Variants in RGS6 observed in about 807,000 individuals in gnomAD.
RGS6 encodes the protein regulator of G protein signaling 6, also known as regulator of G-protein signaling 6.
RGS6 carries 30 observed loss-of-function variants against 78.5 expected under a neutral mutation model. That is an observed-to-expected ratio of 0.38 (90% CI 0.29 to 0.52). The LOEUF is 0.52. RGS6 is among the 20% of genes least tolerant of loss of function. RGS6 has a pLI of 0.85. For missense variants in RGS6, 495 were observed against 609.7 expected (o/e 0.81, Z 1.98); for synonymous variants, 206 against 206.0 (o/e 1.00, Z 0.00).
At chr14:72,396,808 TC>T in intron 3 of RGS6, among the ~76,000 whole-genome samples, 1 of 152,336 alleles carries the variant, frequency 6.6e-6, no homozygotes, top group South Asian at 2.1e-4. Context: ...GGGAATCCTT[TC>T]CCCATTTCTT....
At chr14:72,170,400 C>G (rs2096995944) in intron 2 of RGS6, among the ~76,000 whole-genome samples, 1 of 152,186 alleles carries the variant, frequency 6.6e-6, no homozygotes, top group Non-Finnish European at 1.5e-5. Flanking sequence ...AGCTCCCTCA[C>G]TTTTTTGTCT....
At chr14:71,872,160 T>C in the RGS6 span, among the ~76,000 whole-genome samples, 1 of 152,024 alleles carries the variant, frequency 6.6e-6, no homozygotes, top group Non-Finnish European at 1.5e-5. Context: ...CCACCCCAAC[T>C]CCTCAGCCAC....
At position 72,175,764 on chromosome 14, in the gene RGS6, T is replaced by C. The variant is rs546514882; in HGVS notation, c.85-176331T>C. On this transcript the variant is annotated intron_variant, in intron 2 of 17. Coordinates refer to ENST00000553525, the MANE Select transcript of RGS6 (RefSeq NM_001204424.2). ...GGTCAGCACAGTGCCCAGCGGCTGG[T>C]ACGTGCTTTCTAAGTATCAGCTGAA... 1.7e-4 allele frequency among the ~76,000 whole-genome samples: 26 copies of C among 152,248 alleles called. No individual in the cohort carries two copies. The South Asian group carries it at 5.4e-3, about 32-fold the overall frequency.
chr14:72,142,452 G>A (rs894359879), intron 2 of RGS6, among the ~76,000 whole-genome samples: 5 of 152,134 alleles, frequency 3.3e-5, no homozygotes, highest in African/African-American at 1.2e-4. Context: ...CTGCGTCATT[G>A]CTTCGCCAGG....
chr14:71,988,708 A>G (rs1163968808), intron 2 of RGS6, among the ~76,000 whole-genome samples: 2 of 152,214 alleles, frequency 1.3e-5, no homozygotes, highest in Admixed American at 6.5e-5. Flanking sequence ...CTGAAAAAGC[A>G]TCGGCAAATG....
At chr14:72,397,322 G>C (rs1183566081) in intron 3 of RGS6, among the ~76,000 whole-genome samples, 2 of 151,906 alleles carry the variant, frequency 1.3e-5, no homozygotes, top group African/African-American at 4.8e-5. Context: ...TTGTGAATGG[G>C]AGTTCACTCA....
chr14:72,345,571 G>A (rs956276157), intron 2 of RGS6, among the ~76,000 whole-genome samples: 2 of 152,166 alleles, frequency 1.3e-5, no homozygotes, highest in Admixed American at 1.3e-4. Context: ...GGCCTGTGGT[G>A]GCATTCCTCA....
chr14:72,155,862 A>G (rs936548618), intron 2 of RGS6, among the ~76,000 whole-genome samples: 1 of 152,214 alleles, frequency 6.6e-6, no homozygotes, highest in African/African-American at 2.4e-5. Context: ...TTACTGACCT[A>G]GGTGCATATC....
intron 17 of RGS6, chr14:72,547,448 A>T: frequency 1.2e-6 from 1 of 849,364 alleles, no homozygotes; most frequent in Non-Finnish European, 1.8e-6. Flanking sequence ...CCCCCTTTTA[A>T]AATAGTGATG....
chr14:72,078,002 C>T (rs1567160152), intron 2 of RGS6, among the ~76,000 whole-genome samples: 1 of 152,154 alleles, frequency 6.6e-6, no homozygotes, highest in Non-Finnish European at 1.5e-5. Context: ...GCTCTTCAAC[C>T]CTAAAATGTC....
intron 3 of RGS6, among the ~76,000 whole-genome samples, chr14:72,372,376 G>T (rs774169768): frequency 6.6e-6 from 1 of 152,086 alleles, no homozygotes; most frequent in Non-Finnish European, 1.5e-5. Context: ...ACTTAATTCA[G>T]GTTCTATGAC....
At chr14:71,949,281 A>G (rs574645411) in intron 1 of RGS6, among the ~76,000 whole-genome samples, 2 of 152,270 alleles carry the variant, frequency 1.3e-5, no homozygotes, top group South Asian at 4.1e-4. Context: ...TTATATTCCT[A>G]TCATCAGTTC....
At chr14:72,477,669 T>G (rs1264882551) in intron 11 of RGS6, among the ~76,000 whole-genome samples, 2 of 151,320 alleles carry the variant, frequency 1.3e-5, no homozygotes, top group African/African-American at 4.9e-5. Flanking sequence ...TGGTGGCGTG[T>G]GACTATAATC....
chr14:72,469,045 AC>A (rs2096003370), intron 7 of RGS6, among the ~76,000 whole-genome samples: 1 of 151,716 alleles, frequency 6.6e-6, no homozygotes, highest in Admixed American at 6.6e-5. Context: ...CGCCTGTCAA[AC>A]TCCCCTCCTC....
At chr14:72,041,024 T>C (rs2092354313) in intron 2 of RGS6, among the ~76,000 whole-genome samples, 1 of 152,234 alleles carries the variant, frequency 6.6e-6, no homozygotes, top group Non-Finnish European at 1.5e-5. Flanking sequence ...CTCTTTAAAC[T>C]TCTTTAAGAT....
the RGS6 span, among the ~76,000 whole-genome samples, chr14:71,925,537 G>A: frequency 6.6e-6 from 1 of 151,980 alleles, no homozygotes; most frequent in Admixed American, 6.6e-5. Context: ...ACAGTTTCTG[G>A]TCTATGTTTA....
At chr14:72,304,493 A>G (rs1222078970) in intron 2 of RGS6, among the ~76,000 whole-genome samples, 3 of 151,982 alleles carry the variant, frequency 2.0e-5, no homozygotes, top group African/African-American at 2.4e-5. Flanking sequence ...TGAATTTTCT[A>G]TTCCACATTT....
chr14:72,474,749 A>G (rs1274742207), intron 10 of RGS6, 50 bp downstream of exon 10: 2 of 1,429,434 alleles, frequency 1.4e-6, no homozygotes, highest in Non-Finnish European at 2.0e-6. Context: ...TAGCCCTTCC[A>G]GTTCTAGTAC....
chr14:72,619,918 C>T, the RGS6 span: 10 of 1,533,630 alleles, frequency 6.5e-6, no homozygotes, highest in South Asian at 9.6e-5. Flanking sequence ...GGGGGCTCAG[C>T]CACCGGGGGA....
Sources: allele counts gnomAD v4.1 joint callset (sites outside exome capture counted in the v4.1 genomes callset), GRCh38; gene constraint gnomAD v4.1.1; transcripts MANE v1.5; gene names NCBI Gene and HGNC (gene_info 2026-07-23, HGNC 2026-07-21).